Variants in HDGFL3 observed in about 807,000 individuals in gnomAD.
The protein encoded by HDGFL3 is HDGF like 3.
Under a neutral mutation model 27.6 loss-of-function variants are expected in HDGFL3, and 6 were observed. That is an observed-to-expected ratio of 0.22 (90% CI 0.12 to 0.43). HDGFL3 has a LOEUF of 0.43. Among genes scored for constraint, HDGFL3 ranks in the 20% least tolerant of loss-of-function variants. HDGFL3 has a pLI of 1.00. For synonymous variants in HDGFL3, 88 were observed against 88.9 expected, an observed-to-expected ratio of 0.99 and a Z score of 0.05; for missense variants, 207 against 250.1, an observed-to-expected ratio of 0.83 and a Z score of 1.16.
intron 4 of HDGFL3, among the ~76,000 whole-genome samples, chr15:83,152,330 T>C (rs993995718): frequency 6.9e-6 from 1 of 145,222 alleles, no homozygotes; most frequent in Non-Finnish European, 1.5e-5. Context: ...CTGAGGCGGG[T>C]GGATCACCTA....
rs150184609 is a variant in HDGFL3 at position 83,140,198 on chromosome 15, G to C, written c.607-923C>G. Reference sequence around the variant, plus strand: ...TATATATTATAATAAACGATTCCAGGACCTTCAAAGGAGAGAGAGTTACCA... The same window carrying C: ...TATATATTATAATAAACGATTCCAGCACCTTCAAAGGAGAGAGAGTTACCA... On this transcript the variant is annotated intron_variant, in intron 5 of 5. Transcript: ENST00000299633. Among the ~76,000 whole-genome samples the C allele has an allele frequency of 6.1e-3, 931 of 152,152 alleles. 11 individuals carry two copies. Among genetic ancestry groups the C allele is most frequent in the Non-Finnish European group, 6.1e-3 (414 of 68,014 alleles).
chr15:83,139,754 G>A (rs941438264), intron 5 of HDGFL3, among the ~76,000 whole-genome samples: 1 of 152,166 alleles, frequency 6.6e-6, no homozygotes, highest in Non-Finnish European at 1.5e-5. Context: ...AACAAATGTA[G>A]AAGTTAATCA....
chr15:83,195,592 A>C (rs965472263), intron 1 of HDGFL3, among the ~76,000 whole-genome samples: 2 of 152,204 alleles, frequency 1.3e-5, no homozygotes, highest in South Asian at 4.1e-4. Flanking sequence ...CAGAAGAGAT[A>C]CTCAATAAAC....
At position 83,139,116 on chromosome 15, in the gene HDGFL3, A is replaced by G; in HGVS notation, c.*154T>C. 1 of 446,172 alleles carries G rather than the reference A, an allele frequency of 2.2e-6. No individual in the cohort carries two copies. The highest frequency in any genetic ancestry group is 7.3e-5 in the South Asian group (1 of 13,760). The allele number at this position is 446,172 out of a possible 1,614,324, so 27.6% of individuals were successfully genotyped here. ...AAATGTCTTTTCCCCCCGAAACACA[A>G]CAGAGAGGAATATGAATAATGTACA... is the stretch of plus-strand genomic sequence containing the variant. On this transcript the variant is annotated 3_prime_UTR_variant, in exon 6 of 6. Transcript: ENST00000299633.
Position 83,207,432 on chromosome 15 carries a change from C to T in HDGFL3, c.-18G>A. ...CGCGCCATCCCAGCCGCTCCCCTTC[C>T]TGGTAGTCCTTGGTCGCCGCGAAGA... On this transcript the variant is annotated 5_prime_UTR_variant, in exon 1 of 6. Transcript: ENST00000299633. The surrounding 1 kb of genome is among the most constrained non-coding windows in gnomAD (Gnocchi z 4.8). The T allele has an allele frequency of 1.4e-5, 18 of 1,302,256 alleles. No individual in the cohort carries two copies. The highest frequency in any genetic ancestry group is 1.7e-5 in the Non-Finnish European group (17 of 1,017,766). The allele number at this position is 1,302,256 out of a possible 1,614,324, so 80.7% of individuals were successfully genotyped here.
intron 3 of HDGFL3, among the ~76,000 whole-genome samples, chr15:83,118,682 TC>T (rs1307094438): frequency 6.6e-6 from 1 of 152,174 alleles, no homozygotes; most frequent in Non-Finnish European, 1.5e-5. Flanking sequence ...TCTGCACTCT[TC>T]CTTGTTGTAG....
chr15:83,121,271 G>A (rs2035222029), intron 3 of HDGFL3, among the ~76,000 whole-genome samples: 1 of 145,626 alleles, frequency 6.9e-6, no homozygotes, highest in Non-Finnish European at 1.5e-5. Flanking sequence ...TAGTAGAGAT[G>A]GCGTTTCACC....
chr15:83,117,466 C>G (rs943189178), intron 3 of HDGFL3, among the ~76,000 whole-genome samples: 1 of 152,112 alleles, frequency 6.6e-6, no homozygotes, highest in Admixed American at 6.5e-5. Context: ...ACTTTAGAGA[C>G]CATGGCCAGA....
At position 83,183,766 on chromosome 15, in the gene HDGFL3, G is replaced by GA. The variant is rs58129931; in HGVS notation, c.85-19692dup. ...GAGTGAGACTCCATCTCAAAAAAAA[G>GA]AAAAAAAAAAAAAAAGTATCTTTTC... On this transcript the variant is annotated intron_variant, in intron 1 of 5. Transcript: ENST00000299633. Among the ~76,000 whole-genome samples the GA allele has an allele frequency of 2.4e-3, 316 of 133,462 alleles. 1 individual carries two copies. Among genetic ancestry groups the GA allele is most frequent in the Middle Eastern group, 0.012 (3 of 258 alleles). 87.6% of individuals were successfully genotyped at this position (133,462 alleles called of 152,430 possible).
rs966101850 is a variant in HDGFL3 at position 83,179,851 on chromosome 15, A to T, written c.85-15776T>A. ...CTAAAGCAGTACCTGACAAAATGGT[A>T]GGTGCATAATAAATATCCCTTGAAT... On this transcript the variant is annotated intron_variant, in intron 1 of 5. Transcript: ENST00000299633. 2.6e-5 allele frequency: 4 copies of T among 152,258 alleles called. No homozygotes were observed. The East Asian group carries it at 5.8e-4, about 22-fold the overall frequency. 9.4% of individuals were successfully genotyped at this position (152,258 alleles called of 1,614,324 possible). A position where few individuals can be genotyped will look rare whatever the true frequency, so the allele number is the denominator to read the frequency against.
intron 1 of HDGFL3, among the ~76,000 whole-genome samples, chr15:83,204,109 A>T (rs1394098455): frequency 6.6e-6 from 1 of 150,922 alleles, no homozygotes; most frequent in African/African-American, 2.4e-5. Context: ...GGAATCTACC[A>T]GAAAGAGGCA....
downstream of HDGFL3, among the ~76,000 whole-genome samples, chr15:83,126,429 G>A (rs1381967674): frequency 1.3e-5 from 2 of 152,158 alleles, no homozygotes; most frequent in Non-Finnish European, 2.9e-5. Flanking sequence ...GGAATAGGGG[G>A]CTAGTTATTT....
chr15:83,143,814 T>C lies in HDGFL3; in HGVS notation c.607-4539A>G, dbSNP rs76641890. Among the ~76,000 whole-genome samples the C allele has an allele frequency of 2.3e-3, 357 of 152,234 alleles. 9 individuals are homozygous for C. The East Asian group carries it at 0.056, about 24-fold the overall frequency. On this transcript the variant is annotated intron_variant, in intron 5 of 5. Coordinates refer to ENST00000299633, the MANE Select transcript of HDGFL3 (RefSeq NM_016073.4). ...TCAGAAGAATAAAGGCATGGCCACA[T>C]GGTAAATCGTTACAGTAAACATTGT...
intron 5 of HDGFL3, among the ~76,000 whole-genome samples, chr15:83,147,620 C>T (rs529377896): frequency 1.3e-5 from 2 of 152,156 alleles, no homozygotes; most frequent in South Asian, 4.2e-4. Context: ...ACCAACAGAA[C>T]AGAATAGAGA....
At position 83,136,633 on chromosome 15, in the gene HDGFL3, G is replaced by A. The variant is rs1469515770; in HGVS notation, c.*2637C>T. On this transcript the variant is annotated 3_prime_UTR_variant, in exon 6 of 6. Coordinates refer to ENST00000299633, the MANE Select transcript of HDGFL3 (RefSeq NM_016073.4). The stretch of plus-strand genomic sequence containing the variant: ...CCTATCGTTGTATCTACAAACCAGA[G>A]TTCTTCATAAAAACAAAGGCAGAAG... 10 of 1,605,308 alleles carry A rather than the reference G, an allele frequency of 6.2e-6. No individual in the cohort carries two copies. The highest frequency in any genetic ancestry group is 8.5e-6 in the Non-Finnish European group (10 of 1,177,778).
intron 3 of HDGFL3, among the ~76,000 whole-genome samples, chr15:83,121,273 C>T (rs1451810307): frequency 6.9e-5 from 10 of 145,830 alleles, no homozygotes; most frequent in South Asian, 2.2e-4. Context: ...GTAGAGATGG[C>T]GTTTCACCAT....
chr15:83,124,981 G>A (rs938068417), downstream of HDGFL3, among the ~76,000 whole-genome samples: 1 of 152,114 alleles, frequency 6.6e-6, no homozygotes, highest in Non-Finnish European at 1.5e-5. Flanking sequence ...CCTGTCCTTA[G>A]ATCAAGCTCT....
intron 4 of HDGFL3, among the ~76,000 whole-genome samples, chr15:83,153,579 A>G (rs1228092309): frequency 6.6e-6 from 1 of 152,148 alleles, no homozygotes; most frequent in Non-Finnish European, 1.5e-5. Context: ...ATTTTGGAGA[A>G]GGACTCAGTT....
chr15:83,168,629 G>T (rs896300330), intron 1 of HDGFL3, among the ~76,000 whole-genome samples: 1 of 152,100 alleles, frequency 6.6e-6, no homozygotes, highest in Non-Finnish European at 1.5e-5. Flanking sequence ...TCCTTAGGTT[G>T]AATCAGTAAT....
Sources: allele counts gnomAD v4.1 joint callset (sites outside exome capture counted in the v4.1 genomes callset), GRCh38; gene constraint gnomAD v4.1.1; non-coding constraint Gnocchi (gnomAD v3.1); transcripts MANE v1.5; gene names NCBI Gene and HGNC (gene_info 2026-07-23, HGNC 2026-07-21).